PIK3R2: variants seen among roughly 807,000 people sequenced by gnomAD.
PIK3R2 encodes the protein phosphoinositide-3-kinase regulatory subunit 2, also known as phosphatidylinositol 3-kinase regulatory subunit beta.
In PIK3R2, 40 loss-of-function variants were observed where a neutral mutation model predicts 78.5. That is an observed-to-expected ratio of 0.51 (90% confidence interval 0.40 to 0.66). PIK3R2 has a LOEUF of 0.66. Among genes scored for constraint, PIK3R2 ranks in the 30% least tolerant of loss-of-function variants. The probability of loss-of-function intolerance (pLI) is 0.00; values close to 1 mark genes in which losing one functional copy is unlikely to be tolerated. For synonymous variants in PIK3R2, 473 were observed against 457.7 expected (o/e 1.03, Z -0.43); for missense variants, 880 against 1,026.6 (o/e 0.86, Z 1.95).
chr19:18,162,090 G>T, intron 7 of PIK3R2, 39 bp downstream of exon 7: 1 of 1,587,674 alleles, frequency 6.3e-7, no homozygotes, highest in Non-Finnish European at 8.6e-7. Flanking sequence ...TCCCGTTGGG[G>T]GCCGTAAATA....
chr19:18,157,264 G>C (rs1187744927), intron 2 of PIK3R2, among the ~76,000 whole-genome samples: 1 of 152,220 alleles, frequency 6.6e-6, no homozygotes, highest in Non-Finnish European at 1.5e-5. Flanking sequence ...GCCTGAAGGA[G>C]CAGGAGGTGG....
chr19:18,157,957 G>A (rs1204121860), intron 2 of PIK3R2, among the ~76,000 whole-genome samples: 1 of 152,212 alleles, frequency 6.6e-6, no homozygotes, highest in Non-Finnish European at 1.5e-5. Flanking sequence ...GGGAAGCCAG[G>A]GCTGGGAGGG....
intron 11 of PIK3R2, 138 bp downstream of exon 11, chr19:18,163,526 G>A: frequency 1.1e-6 from 1 of 881,954 alleles, no homozygotes; most frequent in Non-Finnish European, 1.7e-6. Context: ...AGCACCAAGG[G>A]CTGTTCTAAA....
chr19:18,167,120 C>T lies in PIK3R2; in HGVS notation c.1560-10C>T. ...CCTGAGGTCTCTGCGCCACCCCACC[C>T]CTCCCACAGGATCCTGCTGAACTCC... On this transcript the variant is annotated splice_polypyrimidine_tract_variant and intron_variant, in intron 12 of 15. Transcript: ENST00000222254. The surrounding 1 kb of genome is among the most constrained non-coding windows in gnomAD (Gnocchi z 4.5). 6.4e-7 allele frequency: 1 copy of T among 1,563,496 alleles called. No individual in the cohort carries two copies. The highest frequency in any genetic ancestry group is 8.7e-7 in the Non-Finnish European group (1 of 1,151,922).
In PIK3R2 at chr19:18,167,090, A is replaced by G. The variant is rs555744347; in HGVS notation, c.1560-40A>G. Reference sequence around the variant, plus strand: ...GTTTGAGGGTGCAGTGAGCCGAGATAAAACCCTGAGGTCTCTGCGCCACCC... The same window carrying G: ...GTTTGAGGGTGCAGTGAGCCGAGATGAAACCCTGAGGTCTCTGCGCCACCC... On this transcript the variant is annotated intron_variant, in intron 12 of 15. Coordinates refer to ENST00000222254, the MANE Select transcript of PIK3R2 (RefSeq NM_005027.4). The surrounding 1 kb of genome is among the most constrained non-coding windows in gnomAD (Gnocchi z 4.5). 6.7e-7 allele frequency: 1 copy of G among 1,488,232 alleles called. No homozygotes were observed. The highest frequency in any genetic ancestry group is 9.0e-7 in the Non-Finnish European group (1 of 1,115,374). 92.2% of individuals were successfully genotyped at this position (1,488,232 alleles called of 1,614,324 possible).
At chr19:18,159,529 C>T (rs986338032) in intron 2 of PIK3R2, among the ~76,000 whole-genome samples, 1 of 152,014 alleles carries the variant, frequency 6.6e-6, no homozygotes, top group African/African-American at 2.4e-5. Context: ...GCAACCTCCG[C>T]CTCCTGGGTT....
At chr19:18,164,572 G>A (rs561869645) in intron 11 of PIK3R2, among the ~76,000 whole-genome samples, 1 of 152,142 alleles carries the variant, frequency 6.6e-6, no homozygotes, top group African/African-American at 2.4e-5. Context: ...AGATTCAGGT[G>A]GAACAGCTGG....
chr19:18,167,021 A>G lies in PIK3R2; in HGVS notation c.1560-109A>G. ...CATGGTGGTGCACACCTGTGGTCCC[A>G]GCTACTCGGGAGGCTGAGGTAGGAG... On this transcript the variant is annotated intron_variant, in intron 12 of 15. Transcript: ENST00000222254. The surrounding 1 kb of genome is among the most constrained non-coding windows in gnomAD (Gnocchi z 4.5). The G allele has an allele frequency of 1.2e-6, 1 of 855,030 alleles. No homozygotes were observed. Among genetic ancestry groups the G allele is most frequent in the Non-Finnish European group, 1.7e-6 (1 of 574,244 alleles). The allele number at this position is 855,030 out of a possible 1,614,324, so 53.0% of individuals were successfully genotyped here.
At position 18,169,908 on chromosome 19, in the gene PIK3R2, A is replaced by G. The variant is rs1364568396; in HGVS notation, c.*614A>G. Reference sequence around the variant, plus strand: ...CTGCGAGAAGTTCACCCACCCCCGAAAAAATAATTAAACTCGCAGGCCAGG... The same window carrying G: ...CTGCGAGAAGTTCACCCACCCCCGAGAAAATAATTAAACTCGCAGGCCAGG... On this transcript the variant is annotated 3_prime_UTR_variant, in exon 16 of 16. Transcript: ENST00000222254. The G allele has an allele frequency of 1.0e-5, 2 of 193,254 alleles. No individual in the cohort carries two copies. The highest frequency in any genetic ancestry group is 4.6e-5 in the African/African-American group (2 of 43,048). 12.0% of individuals were successfully genotyped at this position (193,254 alleles called of 1,614,324 possible).
rs1473901701 is a variant in PIK3R2 at position 18,161,017 on chromosome 19, A to G, written c.467-37A>G. ...TTGGGAGGAGGCTGGGGGCCCCAGT[A>G]CACATGAGTTGGACGTGTGCCCCCC... On this transcript the variant is annotated intron_variant, in intron 4 of 15. Coordinates refer to ENST00000222254, the MANE Select transcript of PIK3R2 (RefSeq NM_005027.4). This position sits in a 1 kb window ranked among gnomAD's most constrained non-coding sequence, Gnocchi z 5.3. The G allele has an allele frequency of 6.2e-7, 1 of 1,611,966 alleles. No individual in the cohort carries two copies. The highest frequency in any genetic ancestry group is 1.1e-5 in the South Asian group (1 of 90,746).
intron 3 of PIK3R2, 97 bp from the exon 4 acceptor site, chr19:18,160,822 G>A: frequency 7.0e-7 from 1 of 1,423,070 alleles, no homozygotes; most frequent in East Asian, 2.5e-5. Flanking sequence ...TCTCTGGGCA[G>A]CAAAGGGAGA....
rs117800471 is a variant in PIK3R2 at position 18,155,495 on chromosome 19, C to T, written c.-385C>T. 1,701 of 419,936 alleles carry T rather than the reference C, an allele frequency of 4.1e-3. 37 individuals carry two copies. The highest frequency in any genetic ancestry group is 0.039 in the East Asian group (1,091 of 28,130). The allele number at this position is 419,936 out of a possible 1,614,324, so 26.0% of individuals were successfully genotyped here. On this transcript the variant is annotated 5_prime_UTR_variant, in exon 2 of 16. Transcript: ENST00000222254. Reference sequence around the variant, plus strand: ...GCTGGCCGAGCATGGTGGCAGCCTGCACCCTTGGCTCCCTTGTCTGGTGCA... The same window carrying T: ...GCTGGCCGAGCATGGTGGCAGCCTGTACCCTTGGCTCCCTTGTCTGGTGCA...
rs2043668588 is a variant in PIK3R2, at chr19:18,155,577, G to A, written c.-303G>A. On this transcript the variant is annotated 5_prime_UTR_variant, in exon 2 of 16. Transcript: ENST00000222254. ...GGCCCTCCGTGTGAGGGCGTGAGCG[G>A]CCTGCCCCAGCCTCACCTGCTGATG... 2.1e-6 allele frequency: 1 copy of A among 485,372 alleles called. No homozygotes were observed. Among genetic ancestry groups the A allele is most frequent in the South Asian group, 3.5e-5 (1 of 28,282 alleles). 30.1% of individuals were successfully genotyped at this position (485,372 alleles called of 1,614,324 possible). A position where few individuals can be genotyped will look rare whatever the true frequency, so the allele number is the denominator to read the frequency against.
Position 18,161,361 on chromosome 19 carries a change from G to T in PIK3R2, c.681G>T (p.Gln227His). ...CGCTCACGCTGCGCTTCCTGCTCCA[G>T]CACCTGGGCCGCGTGGCCAGCCGCG... ...HRALTLRFLL[Q>H]HLGRVASRAP... The change falls in exon 6 of 16, where the codon CAG becomes CAT. Residue 227 changes from glutamine to histidine, a missense_variant. By Grantham distance (24) the Gln-to-His change is conservative. Around this residue, in one of 3 missense-constraint regions of PIK3R2, gnomAD observed 456 missense variants for 486.6 expected, o/e 0.94. Transcript: ENST00000222254. This position sits in a 1 kb window ranked among gnomAD's most constrained non-coding sequence, Gnocchi z 5.3. 7.8e-7 allele frequency: 1 copy of T among 1,283,938 alleles called. No individual in the cohort carries two copies. The allele number at this position is 1,283,938 out of a possible 1,614,324, so 79.5% of individuals were successfully genotyped here.
rs1331302842 is a variant in PIK3R2, at chr19:18,168,341, C to T, written c.1737-134C>T. 1.2e-5 allele frequency: 8 copies of T among 657,544 alleles called. No individual in the cohort carries two copies. The African/African-American group carries it at 1.3e-4, about 10-fold the overall frequency. The allele number at this position is 657,544 out of a possible 1,614,324, so 40.7% of individuals were successfully genotyped here. On this transcript the variant is annotated intron_variant, in intron 13 of 15. Transcript: ENST00000222254. This position sits in a 1 kb window ranked among gnomAD's most constrained non-coding sequence, Gnocchi z 4.1. ...CTGCCCTGAGCCAGGTCAGCTCTGC[C>T]CTCTTGTGGCAACCGGAGATATTGT...
chr19:18,170,264 C>T lies in PIK3R2; in HGVS notation c.*970C>T, dbSNP rs1296917941. ...TGGCCCCAACCCCTCCTAGGAATCA[C>T]AGCTCCCCGTACTGGTGCCGCCGCA... is the stretch of plus-strand genomic sequence containing the variant. On this transcript the variant is annotated 3_prime_UTR_variant, in exon 16 of 16. Coordinates refer to ENST00000222254, the MANE Select transcript of PIK3R2 (RefSeq NM_005027.4). 6.6e-6 allele frequency: 1 copy of T among 152,420 alleles called. No individual in the cohort carries two copies. The highest frequency in any genetic ancestry group is 1.9e-4 in the East Asian group (1 of 5,222). The allele number at this position is 152,420 out of a possible 1,614,324, so 9.4% of individuals were successfully genotyped here.
Position 18,168,365 on chromosome 19 carries a change from G to T in PIK3R2, c.1737-110G>T, listed in dbSNP as rs1279637580. On this transcript the variant is annotated intron_variant, in intron 13 of 15. Transcript: ENST00000222254. The surrounding 1 kb of genome is among the most constrained non-coding windows in gnomAD (Gnocchi z 4.1). ...CCCTCTTGTGGCAACCGGAGATATT[G>T]TACCCAGAACCCTCTCTCCTCAGCC... is the stretch of plus-strand genomic sequence containing the variant. The T allele has an allele frequency of 2.9e-6, 2 of 691,482 alleles. No homozygotes were observed. Among genetic ancestry groups the T allele is most frequent in the Non-Finnish European group, 5.3e-6 (2 of 373,906 alleles). The allele number at this position is 691,482 out of a possible 1,614,324, so 42.8% of individuals were successfully genotyped here.
In PIK3R2 at chr19:18,163,252, C is replaced by T. The variant is rs565676027; in HGVS notation, c.1291-11C>T. On this transcript the variant is annotated splice_polypyrimidine_tract_variant and intron_variant, in intron 10 of 15. Coordinates refer to ENST00000222254, the MANE Select transcript of PIK3R2 (RefSeq NM_005027.4). ...CTATGCATCTCCCCTCATTCCGCCA[C>T]GTATCTCCAGGACCAGATTGTCAAG... 50 of 1,614,106 alleles carry T rather than the reference C, an allele frequency of 3.1e-5. No homozygotes were observed. The highest frequency in any genetic ancestry group is 6.7e-5 in the East Asian group (3 of 44,882).
chr19:18,162,043 C>T lies in PIK3R2; in HGVS notation c.893C>T (p.Ala298Val), dbSNP rs148193042. The T allele has an allele frequency of 1.3e-5, 21 of 1,613,552 alleles. No homozygotes were observed. The East Asian group carries it at 2.0e-4, about 15-fold the overall frequency. ...LQEHLEEQEV[A>V]PPALPPKPPK... is the part of the protein sequence containing the mutation. ...GAACACTTGGAAGAGCAGGAGGTTGCGCCCCCAGGTGAGTCCCCTGTATTG... is the reference window on the plus strand; with the variant it reads ...GAACACTTGGAAGAGCAGGAGGTTGTGCCCCCAGGTGAGTCCCCTGTATTG... Residue 298 changes from alanine to valine, a missense_variant, in exon 7 of 16, where the codon GCG becomes GTG. Around this residue, in one of 3 missense-constraint regions of PIK3R2, gnomAD observed 456 missense variants for 486.6 expected, o/e 0.94. Transcript: ENST00000222254.
Sources: allele counts gnomAD v4.1 joint callset (sites outside exome capture counted in the v4.1 genomes callset), GRCh38; gene constraint gnomAD v4.1.1; regional missense constraint gnomAD v4.1.1; non-coding constraint Gnocchi (gnomAD v3.1); transcripts MANE v1.5; gene names NCBI Gene and HGNC (gene_info 2026-07-23, HGNC 2026-07-21).